The following SCOC variants were observed in gnomAD, a reference collection of about 807,000 sequenced individuals.
SCOC encodes the protein short coiled coil protein.
A neutral mutation model predicts 9.9 loss-of-function variants in SCOC; 7 were observed. The observed-to-expected ratio is 0.71, with a 90% CI of 0.40 to 1.33. The LOEUF is 1.33. Among genes scored for constraint, SCOC ranks in the 40% most tolerant of loss-of-function variants. The probability of loss-of-function intolerance (pLI) is 0.01; values close to 1 mark genes in which losing one functional copy is unlikely to be tolerated. For missense variants in SCOC, 66 were observed against 89.7 expected, an observed-to-expected ratio of 0.74 and a Z score of 1.07; for synonymous variants, 19 against 28.2, an observed-to-expected ratio of 0.67 and a Z score of 1.03.
chr4:140,259,043 A>C (rs1173969910), intron 1 of SCOC, among the ~76,000 whole-genome samples: 1 of 152,242 alleles, frequency 6.6e-6, no homozygotes, highest in Non-Finnish European at 1.5e-5. Flanking sequence ...CTTTCATAGC[A>C]GCATTTAATA....
Position 140,383,082 on chromosome 4 carries a change from TATCTTCTCATATTCCAG to T in SCOC, c.*1979_*1995del, listed in dbSNP as rs1728620694. The T allele has an allele frequency of 6.6e-6, 1 of 152,242 alleles. No individual in the cohort carries two copies. The highest frequency in any genetic ancestry group is 2.4e-5 in the African/African-American group (1 of 41,464). 9.4% of individuals were successfully genotyped at this position (152,242 alleles called of 1,614,324 possible). ...GGGCTGTGCCTGGAAATGGCTCATA[TATCTTCTCATATTCCAG>T]TGGTGTGGAGACTTAGTTACATCTA... On this transcript the variant is annotated 3_prime_UTR_variant, in exon 4 of 4. Transcript: ENST00000608372.
At chr4:140,268,957 C>A (rs989863318) in intron 1 of SCOC, among the ~76,000 whole-genome samples, 1 of 152,064 alleles carries the variant, frequency 6.6e-6, no homozygotes, top group Non-Finnish European at 1.5e-5. Context: ...GCGATTCTGA[C>A]GGGTATATGG....
At chr4:140,362,300 T>TTCTTCTTCTTCTTC (rs562255556) in intron 2 of SCOC, among the ~76,000 whole-genome samples, 3 of 36,588 alleles carry the variant, frequency 8.2e-5, no homozygotes, top group African/African-American at 3.2e-4. Flanking sequence ...CTTCTTCTTC[T>TTCTTCTTCTTCTTC]TTTTTTTTTT....
chr4:140,288,212 G>A (rs1178941765), intron 1 of SCOC, among the ~76,000 whole-genome samples: 4 of 151,626 alleles, frequency 2.6e-5, no homozygotes, highest in Admixed American at 1.3e-4. Flanking sequence ...CATCACACAT[G>A]CACACCCCAT....
At chr4:140,366,024 G>A (rs1036295644) in intron 2 of SCOC, among the ~76,000 whole-genome samples, 2 of 152,220 alleles carry the variant, frequency 1.3e-5, no homozygotes, top group African/African-American at 4.8e-5. Context: ...AAAGCTGACA[G>A]AGGAACTCTA....
rs1339247233 is a variant in SCOC, at chr4:140,373,884, G to A, written c.-51+167G>A. The A allele has an allele frequency of 7.8e-6, 6 of 772,898 alleles. No individual in the cohort carries two copies. In the African/African-American group the frequency reaches 8.5e-5, roughly 11 times the overall value. The allele number at this position is 772,898 out of a possible 1,614,324, so 47.9% of individuals were successfully genotyped here. A position where few individuals can be genotyped will look rare whatever the true frequency, so the allele number is the denominator to read the frequency against. Reference sequence around the variant, plus strand: ...GGCATTTGGTGGGCGGCGGAGGCCTGGCTCCCGGCAGAACCCTTGCGCGAC... The same window carrying A: ...GGCATTTGGTGGGCGGCGGAGGCCTAGCTCCCGGCAGAACCCTTGCGCGAC... On this transcript the variant is annotated intron_variant, in intron 1 of 3. Transcript: ENST00000608372.
chr4:140,360,774 C>A (rs1727429725), intron 2 of SCOC: 1 of 152,198 alleles, frequency 6.6e-6, no homozygotes, highest in Admixed American at 6.5e-5. Context: ...GATGCAGTTA[C>A]TACCCTCAAG....
In SCOC at chr4:140,323,507, AAG is replaced by A. The variant is rs368793038; in HGVS notation, c.-18-20109_-18-20108del. 5.0e-3 allele frequency among the ~76,000 whole-genome samples: 769 copies of A among 152,320 alleles called. 4 individuals carry two copies. Among genetic ancestry groups the A allele is most frequent in the African/African-American group, 0.018 (730 of 41,570 alleles). On this transcript the variant is annotated intron_variant, in intron 1 of 4. Transcript: ENST00000394205. ...GTCACTGGTTAAGCTGGCCAAGAAA[AAG>A]AGAGTGAAGACACAATTTCTCAACA... is the stretch of plus-strand genomic sequence containing the variant.
At chr4:140,275,234 C>T (rs529613319) in intron 1 of SCOC, among the ~76,000 whole-genome samples, 1 of 152,320 alleles carries the variant, frequency 6.6e-6, no homozygotes, top group African/African-American at 2.4e-5. Context: ...GTTAAGAGGG[C>T]TCTTTCTGTC....
chr4:140,355,337 C>T (rs866756793), intron 2 of SCOC, among the ~76,000 whole-genome samples: 16 of 150,712 alleles, frequency 1.1e-4, no homozygotes, highest in South Asian at 1.0e-3. Context: ...TCATTAAAAA[C>T]GTATTATATG....
At chr4:140,373,275 T>C (rs1728138369), upstream of SCOC, 1 of 1,317,716 alleles carries the variant, frequency 7.6e-7, no homozygotes, top group Non-Finnish European at 9.7e-7. Flanking sequence ...CTTTCCTGAA[T>C]GACTTCTCTG....
chr4:140,376,065 A>G (rs1578884806), intron 1 of SCOC, among the ~76,000 whole-genome samples: 1 of 152,228 alleles, frequency 6.6e-6, no homozygotes, highest in African/African-American at 2.4e-5. Context: ...TATAGCAACT[A>G]TAGGTAAAAA....
intron 1 of SCOC, among the ~76,000 whole-genome samples, chr4:140,281,508 T>A (rs190524974): frequency 6.6e-6 from 1 of 152,292 alleles, no homozygotes; most frequent in East Asian, 1.9e-4. Flanking sequence ...ATGGCTTACA[T>A]TTTTGGTTGT....
chr4:140,370,546 C>T (rs1341739162), upstream of SCOC, among the ~76,000 whole-genome samples: 4 of 152,096 alleles, frequency 2.6e-5, no homozygotes, highest in Admixed American at 1.3e-4. Context: ...AAAAGATTCC[C>T]AGGTGATTCT....
At chr4:140,366,733 G>A (rs1024459982) in intron 2 of SCOC, 2 of 1,576,844 alleles carry the variant, frequency 1.3e-6, no homozygotes, top group African/African-American at 1.3e-5. Flanking sequence ...CCTCACTTGA[G>A]TGCAAGGTCC....
intron 1 of SCOC, among the ~76,000 whole-genome samples, chr4:140,280,654 G>C (rs1428770773): frequency 6.6e-6 from 1 of 152,316 alleles, no homozygotes; most frequent in East Asian, 1.9e-4. Context: ...TCAAATGCCT[G>C]TGTTTTCATG....
rs989347513 is a variant in SCOC at position 140,383,115 on chromosome 4, G to C, written c.*2011G>C. The C allele has an allele frequency of 1.1e-4, 16 of 152,216 alleles. No homozygotes were observed. Among genetic ancestry groups the C allele is most frequent in the Admixed American group, 2.0e-4 (3 of 15,282 alleles). 9.4% of individuals were successfully genotyped at this position (152,216 alleles called of 1,614,324 possible). The stretch of plus-strand genomic sequence containing the variant: ...CATATTCCAGTGGTGTGGAGACTTA[G>C]TTACATCTAGATACAAGAGGAGCTG... On this transcript the variant is annotated 3_prime_UTR_variant, in exon 4 of 4. Transcript: ENST00000608372.
intron 1 of SCOC, among the ~76,000 whole-genome samples, chr4:140,280,899 G>A (rs537665533): frequency 2.6e-5 from 4 of 152,182 alleles, no homozygotes; most frequent in South Asian, 4.2e-4. Flanking sequence ...ATACATTTGC[G>A]GAAATTCAGA....
In SCOC at chr4:140,281,984, T is replaced by A. The variant is rs550135312; in HGVS notation, c.-19+24574T>A. 3.5e-4 allele frequency among the ~76,000 whole-genome samples: 54 copies of A among 152,292 alleles called. 1 individual carries two copies. In the South Asian group the frequency reaches 0.01, roughly 29 times the overall value. ...TCCTATATACATATAAATAACACCC[T>A]TAATCATCATCGACCAAATAGGCTA... is the stretch of plus-strand genomic sequence containing the variant. On this transcript the variant is annotated intron_variant, in intron 1 of 4. Coordinates refer to the SCOC transcript ENST00000394205.
Sources: gnomAD v4.1 joint callset for allele counts (sites outside exome capture counted in the v4.1 genomes callset) on GRCh38, gnomAD v4.1.1 for gene constraint, MANE v1.5 for transcripts, NCBI Gene and HGNC (gene_info 2026-07-23, HGNC 2026-07-21) for gene names.